FBXO34: variants seen among roughly 807,000 people sequenced by gnomAD.
FBXO34 encodes the protein F-box protein 34.
Under a neutral mutation model 24.5 loss-of-function variants are expected in FBXO34, and 12 were observed. That is an observed-to-expected ratio of 0.49 (90% confidence interval 0.31 to 0.79). The LOEUF is 0.79. FBXO34 is among the 30% of genes least tolerant of loss of function. The probability of loss-of-function intolerance (pLI) is 0.04; values close to 1 mark genes in which losing one functional copy is unlikely to be tolerated. For synonymous variants in FBXO34, 320 were observed against 311.9 expected, an observed-to-expected ratio of 1.03 and a Z score of -0.27; for missense variants, 823 against 857.7, an observed-to-expected ratio of 0.96 and a Z score of 0.51.
At chr14:55,337,307 T>C (rs1041781833) in intron 1 of FBXO34, among the ~76,000 whole-genome samples, 1 of 152,182 alleles carries the variant, frequency 6.6e-6, no homozygotes, top group Non-Finnish European at 1.5e-5. Context: ...GCTATTTTCT[T>C]CTATTCTCTA....
intron 1 of FBXO34, among the ~76,000 whole-genome samples, chr14:55,287,658 G>A (rs1054471689): frequency 6.6e-6 from 1 of 152,048 alleles, no homozygotes; most frequent in East Asian, 1.9e-4. Context: ...TATTAAGGCC[G>A]GAAGAAACAT....
At chr14:55,363,975 G>A (rs1884628436), downstream of FBXO34, among the ~76,000 whole-genome samples, 1 of 149,424 alleles carries the variant, frequency 6.7e-6, no homozygotes, top group African/African-American at 2.5e-5. Flanking sequence ...ACAGAGTTTC[G>A]CTCTTGTTGC....
chr14:55,435,814 C>T, the FBXO34 span: 1 of 1,343,456 alleles, frequency 7.4e-7, no homozygotes, highest in Non-Finnish European at 1.0e-6. Context: ...TAAAGAGAAG[C>T]TAATTATTGG....
chr14:55,344,196 A>G (rs1884083175), intron 1 of FBXO34, among the ~76,000 whole-genome samples: 1 of 152,090 alleles, frequency 6.6e-6, no homozygotes, highest in African/African-American at 2.4e-5. Context: ...TCACCCCTCC[A>G]TCATGAACTT....
chr14:55,308,188 A>G (rs1438660250), intron 1 of FBXO34, among the ~76,000 whole-genome samples: 3 of 152,364 alleles, frequency 2.0e-5, no homozygotes, highest in African/African-American at 4.8e-5. Flanking sequence ...CATTTTGCAT[A>G]GAATTGCAGG....
intron 1 of FBXO34, among the ~76,000 whole-genome samples, chr14:55,301,518 A>T (rs1800206711): frequency 6.6e-6 from 1 of 152,192 alleles, no homozygotes; most frequent in African/African-American, 2.4e-5. Flanking sequence ...AAACATGAAG[A>T]TAGTGAAGTA....
At chr14:55,300,110 T>C (rs1191522847) in intron 1 of FBXO34, among the ~76,000 whole-genome samples, 1 of 151,462 alleles carries the variant, frequency 6.6e-6, no homozygotes, top group African/African-American at 2.4e-5. Context: ...TTCAAGTATC[T>C]AGTATTCAAA....
At chr14:55,372,856 G>C (rs1025829013), downstream of FBXO34, among the ~76,000 whole-genome samples, 1 of 152,122 alleles carries the variant, frequency 6.6e-6, no homozygotes, top group Non-Finnish European at 1.5e-5. Context: ...GGTGGACTCC[G>C]GTTCTCTGCG....
chr14:55,314,401 A>T (rs566469184), intron 1 of FBXO34, among the ~76,000 whole-genome samples: 5 of 152,320 alleles, frequency 3.3e-5, no homozygotes, highest in African/African-American at 1.2e-4. Context: ...ATAGTTAACC[A>T]AATACACACC....
At chr14:55,437,216 C>T in the FBXO34 span, among the ~76,000 whole-genome samples, 2 of 152,218 alleles carry the variant, frequency 1.3e-5, no homozygotes, top group African/African-American at 4.8e-5. Context: ...GTAGCTCACG[C>T]CTGTAATCCC....
chr14:55,440,569 C>T, the FBXO34 span: 3 of 1,567,594 alleles, frequency 1.9e-6, no homozygotes, highest in South Asian at 1.2e-5. Flanking sequence ...GGCAGCGAGG[C>T]GGGGCGGCCC....
At position 55,338,472 on chromosome 14, in the gene FBXO34, ATTTTGAGC is replaced by A. The variant is rs542711034; in HGVS notation, c.-10-11906_-10-11899del. On this transcript the variant is annotated intron_variant, in intron 1 of 1. Transcript: ENST00000313833. ...ATGTACTTCTTGGGGTTTTATGGGT[ATTTTGAGC>A]TTAAAACAGTACCTGGCACATAGTA... 4.4e-3 allele frequency among the ~76,000 whole-genome samples: 674 copies of A among 152,212 alleles called. 20 individuals are homozygous for A. The highest frequency in any genetic ancestry group is 0.031 in the Admixed American group (468 of 15,284).
At chr14:55,390,675 AC>A in the FBXO34 span, among the ~76,000 whole-genome samples, 76 of 152,262 alleles carry the variant, frequency 5.0e-4, no homozygotes, top group African/African-American at 1.8e-3. Flanking sequence ...CTGGCGCCTA[AC>A]TTTTTTAATT....
chr14:55,275,742 T>C lies in FBXO34; in HGVS notation c.-11+4205T>C, dbSNP rs186277414. ...GGGAGGCTGAGGCAGGAGAATGGTG[T>C]GAACCCGGAAGGCAGAGCTTGCAGT... On this transcript the variant is annotated intron_variant, in intron 1 of 1. Transcript: ENST00000313833. Among the ~76,000 whole-genome samples the C allele has an allele frequency of 4.2e-4, 62 of 146,484 alleles. 1 individual carries two copies. Among genetic ancestry groups the C allele is most frequent in the Admixed American group, 9.8e-4 (14 of 14,300 alleles).
chr14:55,440,825 C>T, the FBXO34 span, among the ~76,000 whole-genome samples: 2 of 151,954 alleles, frequency 1.3e-5, no homozygotes, highest in African/African-American at 4.8e-5. Context: ...GAGAAATTCT[C>T]GGTGCAAGTG....
At chr14:55,442,508 CT>C in the FBXO34 span, among the ~76,000 whole-genome samples, 2 of 152,086 alleles carry the variant, frequency 1.3e-5, no homozygotes, top group African/African-American at 4.8e-5. Context: ...AGCTTATCTG[CT>C]CAGTAAAACT....
downstream of FBXO34, among the ~76,000 whole-genome samples, chr14:55,371,622 G>A (rs1884819071): frequency 6.6e-6 from 1 of 152,076 alleles, no homozygotes. Context: ...GGCTAACACA[G>A]TGAAACCCTG....
the FBXO34 span, among the ~76,000 whole-genome samples, chr14:55,399,623 TTC>T: frequency 6.6e-6 from 1 of 152,240 alleles, no homozygotes; most frequent in Admixed American, 6.5e-5. Flanking sequence ...TGTTATATGC[TTC>T]TGTTTCCTTG....
At chr14:55,302,453 GTT>G (rs796083398) in intron 1 of FBXO34, among the ~76,000 whole-genome samples, 36 of 133,424 alleles carry the variant, frequency 2.7e-4, no homozygotes, top group African/African-American at 6.6e-4. Context: ...CCTCTTTTTT[GTT>G]TTTTTTTTTT....
Sources: gnomAD v4.1 joint callset for allele counts (sites outside exome capture counted in the v4.1 genomes callset) on GRCh38, gnomAD v4.1.1 for gene constraint, MANE v1.5 for transcripts, NCBI Gene and HGNC (gene_info 2026-07-23, HGNC 2026-07-21) for gene names.